The following OCA2 variants were observed in gnomAD, a reference collection of about 807,000 sequenced individuals.
OCA2 encodes P protein.
Under a neutral mutation model 100.2 loss-of-function variants are expected in OCA2, and 77 were observed. The ratio of observed to expected loss-of-function variants is 0.77; its 90% confidence interval spans 0.64 to 0.93. The LOEUF (loss-of-function observed/expected upper bound fraction) is 0.93. Among genes scored for constraint, OCA2 ranks in the 40% least tolerant of loss-of-function variants. The pLI, the probability that OCA2 is intolerant of heterozygous loss-of-function variation, is 0.00. For synonymous variants in OCA2, 432 were observed against 439.2 expected, an observed-to-expected ratio of 0.98 and a Z score of 0.21; for missense variants, 1,062 against 1,089.1, an observed-to-expected ratio of 0.98 and a Z score of 0.35.
intron 21 of OCA2, among the ~76,000 whole-genome samples, chr15:27,862,020 G>A (rs2036150665): frequency 1.3e-5 from 2 of 152,216 alleles, no homozygotes; most frequent in African/African-American, 2.4e-5. Flanking sequence ...TGCCCACATG[G>A]TTGCTTTTAC....
At chr15:27,903,896 T>G (rs1012356615) in intron 19 of OCA2, among the ~76,000 whole-genome samples, 6 of 152,250 alleles carry the variant, frequency 3.9e-5, no homozygotes, top group Non-Finnish European at 5.9e-5. Flanking sequence ...TGTAAGTCAC[T>G]TTTCTTCTTT....
chr15:27,966,964 C>A, intron 14 of OCA2, 142 bp from the exon 15 acceptor site: 1 of 947,590 alleles, frequency 1.1e-6, no homozygotes, highest in Non-Finnish European at 1.6e-6. Context: ...CCTGTCTCTA[C>A]TAAAAAATAC....
chr15:28,016,684 G>T (rs900609533), intron 7 of OCA2, among the ~76,000 whole-genome samples: 2 of 152,136 alleles, frequency 1.3e-5, no homozygotes, highest in Non-Finnish European at 2.9e-5. Context: ...TAGGGGCTGA[G>T]GCGGGAGGAT....
rs534736476 is a variant in OCA2, at chr15:27,834,584, G to C, written c.2432+10375C>G. Among the ~76,000 whole-genome samples the C allele has an allele frequency of 2.6e-5, 4 of 152,312 alleles. No homozygotes were observed. In the East Asian group the frequency reaches 7.7e-4, roughly 29 times the overall value. ...TGTGACTGATAGCTGTGTCTGAATT[G>C]AGGGCACTGATGAGGGATGGAGCCC... On this transcript the variant is annotated intron_variant, in intron 23 of 23. Transcript: ENST00000354638.
At chr15:27,944,536 T>C (rs2039765707) in intron 18 of OCA2, among the ~76,000 whole-genome samples, 1 of 152,174 alleles carries the variant, frequency 6.6e-6, no homozygotes, top group Non-Finnish European at 1.5e-5. Flanking sequence ...ACATCGCTAT[T>C]GGAGAGCCTA....
chr15:27,730,827 G>A, the OCA2 span, among the ~76,000 whole-genome samples: 1 of 142,976 alleles, frequency 7.0e-6, no homozygotes, highest in Non-Finnish European at 1.5e-5. Context: ...TGAACTGATG[G>A]GCAACACCAA....
chr15:28,072,748 A>G (rs2044305197), intron 2 of OCA2, among the ~76,000 whole-genome samples: 1 of 152,134 alleles, frequency 6.6e-6, no homozygotes, highest in Admixed American at 6.6e-5. Context: ...CCACAATGAG[A>G]TACCATCTCA....
intron 23 of OCA2, among the ~76,000 whole-genome samples, chr15:27,774,076 G>T: frequency 6.6e-6 from 1 of 151,824 alleles, no homozygotes; most frequent in East Asian, 1.9e-4. Flanking sequence ...TTTGATTATT[G>T]CCACTGTTTA....
At chr15:27,976,718 G>C (rs530092874) in intron 14 of OCA2, among the ~76,000 whole-genome samples, 1 of 152,144 alleles carries the variant, frequency 6.6e-6, no homozygotes, top group African/African-American at 2.4e-5. Context: ...TTCTCATACT[G>C]GTTTTGTCTA....
At chr15:28,069,564 C>T (rs1473204123) in intron 2 of OCA2, among the ~76,000 whole-genome samples, 10 of 141,120 alleles carry the variant, frequency 7.1e-5, no homozygotes, top group East Asian at 2.2e-4. Flanking sequence ...AGGCACGCGC[C>T]GCCACGCCTG....
chr15:27,870,207 C>T (rs967679460), intron 21 of OCA2, among the ~76,000 whole-genome samples: 2 of 152,176 alleles, frequency 1.3e-5, no homozygotes, highest in African/African-American at 4.8e-5. Flanking sequence ...GTCTTGGGAC[C>T]CCCTTGCATG....
At position 27,955,123 on chromosome 15, in the gene OCA2, G is replaced by A. The variant is rs143970742; in HGVS notation, c.1842+35C>T. 1.3e-3 allele frequency: 1,929 copies of A among 1,484,158 alleles called. 26 individuals carry two copies. The African/African-American group carries it at 0.023, about 18-fold the overall frequency. 91.9% of individuals were successfully genotyped at this position (1,484,158 alleles called of 1,614,324 possible). On this transcript the variant is annotated intron_variant, in intron 17 of 23. Coordinates refer to ENST00000354638, the MANE Select transcript of OCA2 (RefSeq NM_000275.3). ...TCACTCACTCTCTTCTTGGAGAAGT[G>A]AATCAGAAATCCCTGAGGAAAGAAA...
chr15:27,783,701 G>A (rs1008187045), intron 23 of OCA2, among the ~76,000 whole-genome samples: 3 of 152,238 alleles, frequency 2.0e-5, no homozygotes, highest in African/African-American at 4.8e-5. Flanking sequence ...TCAAGTAAAA[G>A]AAGAATTTAC....
intron 2 of OCA2, among the ~76,000 whole-genome samples, chr15:28,046,165 G>A (rs1030236446): frequency 6.6e-6 from 1 of 152,094 alleles, no homozygotes; most frequent in Non-Finnish European, 1.5e-5. Flanking sequence ...CACTCCAGAT[G>A]GACTTTACCC....
downstream of OCA2, among the ~76,000 whole-genome samples, chr15:27,750,740 G>A (rs750879838): frequency 5.9e-5 from 9 of 152,228 alleles, no homozygotes; most frequent in Non-Finnish European, 1.0e-4. Flanking sequence ...GACCAGCGGT[G>A]TGCTTAATTG....
intron 18 of OCA2, among the ~76,000 whole-genome samples, chr15:27,945,514 C>A (rs1361063087): frequency 6.6e-6 from 1 of 152,162 alleles, no homozygotes; most frequent in African/African-American, 2.4e-5. Context: ...CCATCCGGAC[C>A]CTTCCTCCTT....
intron 17 of OCA2, among the ~76,000 whole-genome samples, chr15:27,953,182 TATATAG>T (rs1320784645): frequency 9.8e-5 from 15 of 152,324 alleles, no homozygotes; most frequent in Admixed American, 3.9e-4. Context: ...GACATATAGA[TATATAG>T]ATATAGACAC....
At chr15:27,999,979 G>A (rs1180220651) in intron 9 of OCA2, among the ~76,000 whole-genome samples, 1 of 152,072 alleles carries the variant, frequency 6.6e-6, no homozygotes, top group African/African-American at 2.4e-5. Context: ...ACAAATAAAT[G>A]GAAAGATATC....
At chr15:28,007,111 G>C (rs1176829364) in intron 9 of OCA2, among the ~76,000 whole-genome samples, 1 of 152,212 alleles carries the variant, frequency 6.6e-6, no homozygotes, top group Non-Finnish European at 1.5e-5. Context: ...TACATAAAGT[G>C]GGTGAAGGGA....
Sources: allele counts gnomAD v4.1 joint callset (sites outside exome capture counted in the v4.1 genomes callset), GRCh38; gene constraint gnomAD v4.1.1; transcripts MANE v1.5; gene names NCBI Gene and HGNC (gene_info 2026-07-23, HGNC 2026-07-21).